Variants in RNF217 observed in about 807,000 individuals in gnomAD.
RNF217 encodes E3 ubiquitin-protein ligase RNF217.
RNF217 carries 31 observed loss-of-function variants against 57.8 expected under a neutral mutation model. The ratio of observed to expected loss-of-function variants is 0.54; its 90% CI spans 0.40 to 0.72. RNF217 has a LOEUF of 0.72. Among genes scored for constraint, RNF217 ranks in the 30% least tolerant of loss-of-function variants. The pLI is 0.00. For missense variants in RNF217, 696 were observed against 708.3 expected (o/e 0.98, Z 0.20); for synonymous variants, 313 against 294.0 (o/e 1.06, Z -0.66).
intron 1 of RNF217, among the ~76,000 whole-genome samples, chr6:125,013,724 A>T (rs1785505938): frequency 6.6e-6 from 1 of 152,144 alleles, no homozygotes; most frequent in Non-Finnish European, 1.5e-5. Flanking sequence ...TATCAATTAC[A>T]TCCCAGTCAT....
intron 1 of RNF217, among the ~76,000 whole-genome samples, chr6:125,007,616 G>A (rs1464973867): frequency 6.6e-6 from 1 of 152,072 alleles, no homozygotes; most frequent in African/African-American, 2.4e-5. Flanking sequence ...TCAGTGCTTG[G>A]GGTGCAGACA....
At chr6:124,995,841 G>A (rs1784728595) in intron 1 of RNF217, among the ~76,000 whole-genome samples, 1 of 152,150 alleles carries the variant, frequency 6.6e-6, no homozygotes, top group Non-Finnish European at 1.5e-5. Flanking sequence ...AGAATCATGT[G>A]AACCCAGGAG....
chr6:125,023,475 G>C (rs1356224361), intron 1 of RNF217, among the ~76,000 whole-genome samples: 1 of 152,162 alleles, frequency 6.6e-6, no homozygotes, highest in Non-Finnish European at 1.5e-5. Context: ...TACTGTTGGT[G>C]GGAATGTAAA....
At chr6:124,983,476 T>C in intron 1 of RNF217, 1 of 984,778 alleles carries the variant, frequency 1.0e-6, no homozygotes, top group Non-Finnish European at 1.2e-6. Context: ...ATTTATGTCC[T>C]CACTTGTCAC....
At chr6:125,042,181 G>A (rs1336702760) in intron 1 of RNF217, among the ~76,000 whole-genome samples, 1 of 152,102 alleles carries the variant, frequency 6.6e-6, no homozygotes, top group Non-Finnish European at 1.5e-5. Context: ...TTATGAAAAA[G>A]AGGATATTGT....
rs1788890853 is a variant in RNF217, at chr6:125,090,118, G to T, written c.*7181G>T. The T allele has an allele frequency of 6.6e-6, 1 of 151,886 alleles. No individual in the cohort carries two copies. Among genetic ancestry groups the T allele is most frequent in the Admixed American group, 6.6e-5 (1 of 15,224 alleles). The allele number at this position is 151,886 out of a possible 1,614,324, so 9.4% of individuals were successfully genotyped here. On this transcript the variant is annotated 3_prime_UTR_variant, in exon 6 of 6. Transcript: ENST00000521654. ...CATCACAATTGCAATCCTCTAGAGG[G>T]TATTTTAAAAAGTAGACCAACCTTA...
At chr6:124,979,515 A>G (rs1471732992) in intron 1 of RNF217, among the ~76,000 whole-genome samples, 1 of 152,172 alleles carries the variant, frequency 6.6e-6, no homozygotes, top group Admixed American at 6.5e-5. Flanking sequence ...GGCGCAGAGC[A>G]CCAAAGGCAG....
At chr6:124,972,495 T>G (rs1398159448) in intron 1 of RNF217, among the ~76,000 whole-genome samples, 1 of 152,204 alleles carries the variant, frequency 6.6e-6, no homozygotes, top group Non-Finnish European at 1.5e-5. Flanking sequence ...GCTAATAGAT[T>G]AGAATTTAAA....
At chr6:125,048,224 A>G (rs1462494217) in intron 2 of RNF217, 2 of 1,356,464 alleles carry the variant, frequency 1.5e-6, no homozygotes, top group Non-Finnish European at 2.0e-6. Context: ...GGCACCCTGT[A>G]CTGAGACTAA....
chr6:125,038,894 C>T (rs1032217564), intron 1 of RNF217, among the ~76,000 whole-genome samples: 3 of 151,954 alleles, frequency 2.0e-5, no homozygotes, highest in African/African-American at 4.8e-5. Context: ...CATAGGTAAA[C>T]GTGTGCCATG....
chr6:125,087,822 AT>A lies in RNF217; in HGVS notation c.*4888del, dbSNP rs1439539321. Reference sequence around the variant, plus strand: ...AATGTTTGTTTAAAATATTAAATTAATTTATACTGAAAGTTTTAACTGCAAT... The same window carrying A: ...AATGTTTGTTTAAAATATTAAATTAATTATACTGAAAGTTTTAACTGCAAT... On this transcript the variant is annotated 3_prime_UTR_variant, in exon 6 of 6. Coordinates refer to ENST00000521654, the MANE Select transcript of RNF217 (RefSeq NM_001286398.3). 6.6e-6 allele frequency: 1 copy of A among 152,072 alleles called. No individual in the cohort carries two copies. Among genetic ancestry groups the A allele is most frequent in the Non-Finnish European group, 1.5e-5 (1 of 67,982 alleles). 9.4% of individuals were successfully genotyped at this position (152,072 alleles called of 1,614,324 possible). A position where few individuals can be genotyped will look rare whatever the true frequency, so the allele number is the denominator to read the frequency against.
At chr6:125,050,423 CTCTG>C (rs1787265053) in intron 2 of RNF217, among the ~76,000 whole-genome samples, 2 of 151,946 alleles carry the variant, frequency 1.3e-5, no homozygotes, top group South Asian at 2.1e-4. Context: ...CCTGGAGAAA[CTCTG>C]TCTGTGTGCT....
chr6:125,008,131 C>T (rs9491277), intron 1 of RNF217, among the ~76,000 whole-genome samples: 37,590 of 151,720 alleles, frequency 0.25, 4,899 homozygotes, highest in African/African-American at 0.32. Flanking sequence ...TGGCAGGCAC[C>T]TATAGTCCCA....
chr6:125,045,932 C>G (rs1460509496), intron 2 of RNF217, among the ~76,000 whole-genome samples: 4 of 151,980 alleles, frequency 2.6e-5, no homozygotes, highest in African/African-American at 9.7e-5. Flanking sequence ...AAATGTGATA[C>G]AGTCCCTGCT....
intron 2 of RNF217, among the ~76,000 whole-genome samples, chr6:125,057,296 G>A (rs1787559147): frequency 6.6e-6 from 1 of 152,002 alleles, no homozygotes; most frequent in Admixed American, 6.6e-5. Context: ...CATGTCTCGT[G>A]TCATCCTCCT....
rs1366877692 is a variant in RNF217 at position 125,087,625 on chromosome 6, T to A, written c.*4688T>A. On this transcript the variant is annotated 3_prime_UTR_variant, in exon 6 of 6. Coordinates refer to ENST00000521654, the MANE Select transcript of RNF217 (RefSeq NM_001286398.3). ...AGTGGAGACAGTAGGATAACAGTGT[T>A]AGCAAATATGTGTCATCTCTTTAAA... is the stretch of plus-strand genomic sequence containing the variant. The A allele has an allele frequency of 6.6e-6, 1 of 152,146 alleles. No homozygotes were observed. Among genetic ancestry groups the A allele is most frequent in the Non-Finnish European group, 1.5e-5 (1 of 68,016 alleles). The allele number at this position is 152,146 out of a possible 1,614,324, so 9.4% of individuals were successfully genotyped here.
At chr6:124,976,275 C>CTCCCTCCCTCCT (rs1289486450) in intron 1 of RNF217, among the ~76,000 whole-genome samples, 1 of 124,372 alleles carries the variant, frequency 8.0e-6, no homozygotes, top group Non-Finnish European at 1.7e-5. Flanking sequence ...CCCTCCCTCC[C>CTCCCTCCCTCCT]GCTCTCTCTC....
At chr6:125,055,198 A>G (rs1322745832) in intron 2 of RNF217, among the ~76,000 whole-genome samples, 1 of 152,170 alleles carries the variant, frequency 6.6e-6, no homozygotes, top group African/African-American at 2.4e-5. Flanking sequence ...GCAAATAAAG[A>G]GTGATTCTGA....
intron 1 of RNF217, among the ~76,000 whole-genome samples, chr6:124,972,114 C>T (rs945587358): frequency 6.6e-6 from 1 of 152,176 alleles, no homozygotes; most frequent in Non-Finnish European, 1.5e-5. Flanking sequence ...TTGCCACATG[C>T]TCAAAGCCTT....
Sources: allele counts gnomAD v4.1 joint callset (sites outside exome capture counted in the v4.1 genomes callset), GRCh38; gene constraint gnomAD v4.1.1; transcripts MANE v1.5; gene names NCBI Gene and HGNC (gene_info 2026-07-23, HGNC 2026-07-21).